KCNIP4: variants seen among roughly 807,000 people sequenced by gnomAD.
The protein encoded by KCNIP4 is Kv channel-interacting protein 4.
KCNIP4 carries 12 observed loss-of-function variants against 34.0 expected under a neutral mutation model. The ratio of observed to expected loss-of-function variants is 0.35; its 90% confidence interval spans 0.23 to 0.57. The LOEUF is 0.57. KCNIP4 is among the 20% of genes least tolerant of loss of function. KCNIP4 has a pLI of 0.83. For missense variants in KCNIP4, 238 were observed against 311.7 expected, an observed-to-expected ratio of 0.76 and a Z score of 1.78; for synonymous variants, 124 against 102.2, an observed-to-expected ratio of 1.21 and a Z score of -1.29.
At chr4:21,177,106 T>C (rs1754469310) in intron 1 of KCNIP4, among the ~76,000 whole-genome samples, 1 of 152,180 alleles carries the variant, frequency 6.6e-6, no homozygotes, top group Non-Finnish European at 1.5e-5. Flanking sequence ...ACAGGTGCAA[T>C]TGGCTTATTC....
At chr4:21,436,236 T>C (rs577996835) in intron 1 of KCNIP4, among the ~76,000 whole-genome samples, 11 of 152,282 alleles carry the variant, frequency 7.2e-5, no homozygotes, top group South Asian at 4.1e-4. Flanking sequence ...GACTGATATA[T>C]ACCTAGTCAG....
At chr4:21,480,808 C>T (rs1308742076) in intron 1 of KCNIP4, among the ~76,000 whole-genome samples, 1 of 151,972 alleles carries the variant, frequency 6.6e-6, no homozygotes, top group South Asian at 2.1e-4. Flanking sequence ...ATAAATATTC[C>T]TGGTGCAGGA....
In KCNIP4 at chr4:21,500,584, G is replaced by A. The variant is rs150779308; in HGVS notation, c.61+447987C>T. Reference sequence around the variant, plus strand: ...AAAAGTCATTGCGTTATTAGAGATTGATAAGTTCATTACAGTAGAAAACTT... The same window carrying A: ...AAAAGTCATTGCGTTATTAGAGATTAATAAGTTCATTACAGTAGAAAACTT... On this transcript the variant is annotated intron_variant, in intron 1 of 8. Coordinates refer to ENST00000382152, the MANE Select transcript of KCNIP4 (RefSeq NM_025221.6). Among the ~76,000 whole-genome samples, 24 of 152,242 alleles carry A rather than the reference G, an allele frequency of 1.6e-4. No homozygotes were observed. The East Asian group carries it at 4.4e-3, about 28-fold the overall frequency.
chr4:21,479,145 T>G (rs560765756), intron 1 of KCNIP4, among the ~76,000 whole-genome samples: 1 of 152,288 alleles, frequency 6.6e-6, no homozygotes, highest in East Asian at 1.9e-4. Context: ...CAAACCAAAA[T>G]GTGGGCCAGC....
intron 1 of KCNIP4, among the ~76,000 whole-genome samples, chr4:20,930,338 G>A (rs1313734095): frequency 6.6e-6 from 1 of 151,898 alleles, no homozygotes; most frequent in Non-Finnish European, 1.5e-5. Flanking sequence ...CCCTAATCTT[G>A]CACCATATAC....
intron 1 of KCNIP4, among the ~76,000 whole-genome samples, chr4:20,913,729 C>A (rs1227135477): frequency 6.6e-6 from 1 of 152,188 alleles, no homozygotes; most frequent in East Asian, 1.9e-4. Flanking sequence ...TCCTCTGTAG[C>A]TGACCAATTG....
chr4:21,590,950 C>T (rs781735644), intron 1 of KCNIP4, among the ~76,000 whole-genome samples: 2 of 151,896 alleles, frequency 1.3e-5, no homozygotes, highest in Non-Finnish European at 2.9e-5. Flanking sequence ...AGAACCACTA[C>T]GTCTATGTAT....
chr4:21,481,688 C>G (rs1199718780), intron 1 of KCNIP4, among the ~76,000 whole-genome samples: 1 of 151,998 alleles, frequency 6.6e-6, no homozygotes, highest in Non-Finnish European at 1.5e-5. Context: ...CAGCCTACTG[C>G]GAAGAAGGGA....
chr4:20,978,809 T>G (rs1735737962), intron 1 of KCNIP4, among the ~76,000 whole-genome samples: 1 of 152,186 alleles, frequency 6.6e-6, no homozygotes, highest in Non-Finnish European at 1.5e-5. Flanking sequence ...TTTTTCTTCT[T>G]ATGCAACTGA....
chr4:21,366,850 T>C (rs904237790), intron 1 of KCNIP4, among the ~76,000 whole-genome samples: 1 of 152,046 alleles, frequency 6.6e-6, no homozygotes, highest in African/African-American at 2.4e-5. Flanking sequence ...TTATGTCAAT[T>C]ATGCACTAAA....
chr4:21,486,309 T>C (rs1009809934), intron 1 of KCNIP4, among the ~76,000 whole-genome samples: 2 of 152,186 alleles, frequency 1.3e-5, no homozygotes, highest in Admixed American at 6.5e-5. Context: ...CTTAGAAGTA[T>C]GCTTTGGGCT....
At chr4:21,042,064 G>A (rs957876241) in intron 1 of KCNIP4, among the ~76,000 whole-genome samples, 4 of 152,214 alleles carry the variant, frequency 2.6e-5, no homozygotes, top group Admixed American at 2.6e-4. Context: ...TCAGTCAATA[G>A]CATTCTGTCA....
chr4:21,066,880 G>C (rs1014887965), intron 1 of KCNIP4, among the ~76,000 whole-genome samples: 4 of 152,164 alleles, frequency 2.6e-5, no homozygotes, highest in African/African-American at 9.6e-5. Flanking sequence ...AAGGGGCCAG[G>C]GGACTTGGAG....
intron 1 of KCNIP4, among the ~76,000 whole-genome samples, chr4:21,444,047 CACAT>C: frequency 6.6e-6 from 1 of 152,250 alleles, no homozygotes; most frequent in East Asian, 1.9e-4. Flanking sequence ...AATTCCTCGA[CACAT>C]ACACCCTCCC....
chr4:21,579,657 A>G (rs1250512295), intron 1 of KCNIP4, among the ~76,000 whole-genome samples: 2 of 151,854 alleles, frequency 1.3e-5, no homozygotes, highest in Non-Finnish European at 2.9e-5. Context: ...ATTGCTGAAA[A>G]CCCTTGTACT....
chr4:21,947,747 AT>A (rs1247779609), intron 1 of KCNIP4, among the ~76,000 whole-genome samples: 1 of 152,090 alleles, frequency 6.6e-6, no homozygotes, highest in African/African-American at 2.4e-5. Flanking sequence ...TATCACTCTC[AT>A]GTGCCCCAAA....
At chr4:21,136,901 A>G (rs769558194) in intron 1 of KCNIP4, among the ~76,000 whole-genome samples, 18 of 151,966 alleles carry the variant, frequency 1.2e-4, no homozygotes, top group Admixed American at 2.6e-4. Context: ...CCTTTCTCCA[A>G]CAAGACCTCT....
intron 1 of KCNIP4, among the ~76,000 whole-genome samples, chr4:21,625,105 A>G (rs552417893): frequency 2.8e-4 from 42 of 152,288 alleles, no homozygotes; most frequent in Middle Eastern, 6.8e-3. Flanking sequence ...ATTTTTAAAT[A>G]AATGATCATG....
chr4:20,955,270 G>A (rs767046527), intron 1 of KCNIP4, among the ~76,000 whole-genome samples: 1 of 152,182 alleles, frequency 6.6e-6, no homozygotes, highest in Non-Finnish European at 1.5e-5. Context: ...TCTACTGTCT[G>A]TAACTAAGTC....
Sources: gnomAD v4.1 joint callset for allele counts (sites outside exome capture counted in the v4.1 genomes callset) on GRCh38, gnomAD v4.1.1 for gene constraint, MANE v1.5 for transcripts, NCBI Gene and HGNC (gene_info 2026-07-23, HGNC 2026-07-21) for gene names.